RCOR1: variants seen among roughly 807,000 people sequenced by gnomAD.
RCOR1 encodes the protein REST corepressor.
A neutral mutation model predicts 64.0 loss-of-function variants in RCOR1; 12 were observed. That is an observed-to-expected ratio of 0.19 (90% confidence interval 0.12 to 0.30). RCOR1 has a LOEUF of 0.30. Ranked by LOEUF, RCOR1 falls within the 10% of genes least tolerant of loss-of-function variation. The pLI is 1.00. For synonymous variants in RCOR1, 279 were observed against 227.2 expected (o/e 1.23, Z -2.05); for missense variants, 502 against 621.2 (o/e 0.81, Z 2.04).
chr14:102,600,368 C>T (rs972653452), intron 2 of RCOR1, among the ~76,000 whole-genome samples: 4 of 151,766 alleles, frequency 2.6e-5, no homozygotes, highest in Non-Finnish European at 5.9e-5. Flanking sequence ...AGCCACCGCG[C>T]CCAGCCAGTG....
chr14:102,613,885 CTTT>C (rs71119719), intron 2 of RCOR1, among the ~76,000 whole-genome samples: 62 of 55,508 alleles, frequency 1.1e-3, no homozygotes, highest in African/African-American at 4.0e-3. Context: ...ATTAACTATT[CTTT>C]TTTTTTTTTT....
intron 2 of RCOR1, among the ~76,000 whole-genome samples, chr14:102,596,716 C>A (rs892250862): frequency 6.6e-5 from 10 of 151,588 alleles, no homozygotes; most frequent in Admixed American, 6.6e-4. Context: ...AGGTGCCCAC[C>A]ACCACGCCCA....
intron 2 of RCOR1, among the ~76,000 whole-genome samples, chr14:102,602,490 G>A (rs1482619077): frequency 6.9e-6 from 1 of 145,480 alleles, no homozygotes; most frequent in Non-Finnish European, 1.5e-5. Context: ...TGTAACCTCC[G>A]CCTCCCCGGT....
At chr14:102,673,605 G>A (rs1243729552) in intron 2 of RCOR1, among the ~76,000 whole-genome samples, 1 of 150,990 alleles carries the variant, frequency 6.6e-6, no homozygotes, top group Non-Finnish European at 1.5e-5. Context: ...AAAGTGCTGG[G>A]ATTACAGGCG....
Position 102,707,415 on chromosome 14 carries a change from T to TA in RCOR1, c.563_564insA (p.Phe188LeufsTer7). 1 of 1,613,816 alleles carries TA rather than the reference T, an allele frequency of 6.2e-7. No individual in the cohort carries two copies. Among genetic ancestry groups the TA allele is most frequent in the Non-Finnish European group, 8.5e-7 (1 of 1,179,852 alleles). ...AAGTCATTGGCTGATTTGCCCAACT[T>TA]TACCCCTTTCCCAGATGAGTGGACT... On this transcript the variant is annotated frameshift_variant, in exon 5 of 12. Transcript: ENST00000262241. LOFTEE classifies it high-confidence loss of function.
At chr14:102,707,826 A>G (rs569871887) in intron 5 of RCOR1, among the ~76,000 whole-genome samples, 6 of 143,750 alleles carry the variant, frequency 4.2e-5, no homozygotes, top group African/African-American at 1.3e-4. Flanking sequence ...GTCTCGCTCT[A>G]TCACCAGGCT....
chr14:102,699,264 A>C lies in RCOR1; in HGVS notation c.446-2014A>C, dbSNP rs539233306. ...TTCATTTGTCATTTGCTGACCTTCA[A>C]GTAAATTGAAATTTTACTGTAATCT... On this transcript the variant is annotated intron_variant, in intron 3 of 11. Transcript: ENST00000262241. Among the ~76,000 whole-genome samples the C allele has an allele frequency of 5.9e-5, 9 of 152,364 alleles. No individual in the cohort carries two copies. The South Asian group carries it at 1.9e-3, about 32-fold the overall frequency.
chr14:102,663,158 CCT>C (rs978276237), intron 2 of RCOR1, among the ~76,000 whole-genome samples: 2 of 152,154 alleles, frequency 1.3e-5, no homozygotes, highest in Admixed American at 6.5e-5. Flanking sequence ...CACAAGTGCT[CCT>C]CTCTGCCTGC....
chr14:102,699,435 C>G (rs868232119), intron 3 of RCOR1, among the ~76,000 whole-genome samples: 5 of 151,948 alleles, frequency 3.3e-5, no homozygotes, highest in Admixed American at 6.6e-5. Flanking sequence ...ATATTTTTCC[C>G]CAATTTTTAG....
At chr14:102,669,995 G>C (rs1428422748) in intron 2 of RCOR1, among the ~76,000 whole-genome samples, 1 of 152,232 alleles carries the variant, frequency 6.6e-6, no homozygotes, top group Non-Finnish European at 1.5e-5. Flanking sequence ...TTGTACCCCA[G>C]GCTGGAGTGC....
intron 3 of RCOR1, among the ~76,000 whole-genome samples, chr14:102,696,153 C>T (rs1365878289): frequency 1.3e-5 from 2 of 151,968 alleles, no homozygotes; most frequent in African/African-American, 2.4e-5. Flanking sequence ...GTTGTTATTT[C>T]GTGTGTTTGT....
intron 2 of RCOR1, among the ~76,000 whole-genome samples, chr14:102,654,455 G>A (rs1894680661): frequency 6.6e-6 from 1 of 152,280 alleles, no homozygotes; most frequent in African/African-American, 2.4e-5. Flanking sequence ...CCGCATAATG[G>A]CTGTGGGTTT....
At chr14:102,696,479 C>T (rs1374703241) in intron 3 of RCOR1, among the ~76,000 whole-genome samples, 1 of 152,150 alleles carries the variant, frequency 6.6e-6, no homozygotes, top group Non-Finnish European at 1.5e-5. Flanking sequence ...GCCTGCTTTG[C>T]GCACCCTGTA....
At chr14:102,720,225 C>T (rs2139994191) in intron 8 of RCOR1, among the ~76,000 whole-genome samples, 1 of 152,262 alleles carries the variant, frequency 6.6e-6, no homozygotes, top group Non-Finnish European at 1.5e-5. Context: ...TGGTGCTTGA[C>T]ACGGATATGC....
intron 11 of RCOR1, among the ~76,000 whole-genome samples, chr14:102,723,889 G>A (rs573401712): frequency 7.2e-5 from 11 of 152,300 alleles, no homozygotes; most frequent in African/African-American, 2.6e-4. Context: ...GCCAGTGTTG[G>A]CTGGGCTGGC....
chr14:102,645,008 C>T lies in RCOR1; in HGVS notation c.362-36887C>T, dbSNP rs1336273230. On this transcript the variant is annotated intron_variant, in intron 2 of 11. Transcript: ENST00000262241. ...TTTTGGAGGAACAAAAAAACCTTCC[C>T]CTCATTTTGTACTGTTTTTGTCTCT... 3.3e-5 allele frequency among the ~76,000 whole-genome samples: 5 copies of T among 152,262 alleles called. No homozygotes were observed. The East Asian group carries it at 9.6e-4, about 29-fold the overall frequency.
At chr14:102,597,689 T>G (rs1476489436) in intron 2 of RCOR1, among the ~76,000 whole-genome samples, 7 of 130,170 alleles carry the variant, frequency 5.4e-5, no homozygotes, top group African/African-American at 2.1e-4. Context: ...CAGGCTGGAG[T>G]GCAGTGGCAC....
intron 2 of RCOR1, among the ~76,000 whole-genome samples, chr14:102,674,684 AC>A (rs1279574326): frequency 6.6e-6 from 1 of 151,906 alleles, no homozygotes; most frequent in Admixed American, 6.6e-5. Flanking sequence ...CTTCTTTCTT[AC>A]CCCCTTGATG....
intron 2 of RCOR1, among the ~76,000 whole-genome samples, chr14:102,629,375 C>T (rs541407249): frequency 1.2e-4 from 18 of 151,972 alleles, no homozygotes; most frequent in Admixed American, 5.3e-4. Context: ...TTGTATGATT[C>T]CTTCAACTAG....
Sources: allele counts gnomAD v4.1 joint callset (sites outside exome capture counted in the v4.1 genomes callset), GRCh38; gene constraint gnomAD v4.1.1; transcripts MANE v1.5; gene names NCBI Gene and HGNC (gene_info 2026-07-23, HGNC 2026-07-21).